RAD54L2: variants seen among roughly 807,000 people sequenced by gnomAD.
The protein encoded by RAD54L2 is helicase ARIP4.
RAD54L2 carries 27 observed loss-of-function variants against 138.4 expected under a neutral mutation model. The observed-to-expected ratio is 0.20, with a 90% CI of 0.14 to 0.27. The LOEUF is 0.27. RAD54L2 is among the 10% of genes least tolerant of loss of function. The pLI is 1.00. For synonymous variants in RAD54L2, 644 were observed against 723.2 expected (o/e 0.89, Z 1.76); for missense variants, 1,396 against 1,890.2 (o/e 0.74, Z 4.85).
rs764486923 is a variant in RAD54L2 at position 51,645,169 on chromosome 3, G to A, written c.2596G>A (p.Ala866Thr). Reference sequence around the variant, plus strand: ...GCCCTGTTACATCTATCGCCTTGTGGCTGATTACACTCTAGAAAAGAAGAT... The same window carrying A: ...GCCCTGTTACATCTATCGCCTTGTGACTGATTACACTCTAGAAAAGAAGAT... ...KKPCYIYRLVADYTLEKKIYD... is the reference protein window; with the variant it reads ...KKPCYIYRLVTDYTLEKKIYD... Residue 866 changes from alanine (A) to threonine (T), a missense_variant, in exon 17 of 23, where the codon GCT (alanine) becomes ACT (threonine). Physicochemically the swap from Ala to Thr is moderately conservative, Grantham distance 58. This residue lies in a region of RAD54L2 where 78 missense variants were observed against 171.6 expected (regional missense o/e 0.45). Coordinates refer to ENST00000684192, the MANE Select transcript of RAD54L2 (RefSeq NM_015106.4). The surrounding 1 kb of genome is among the most constrained non-coding windows in gnomAD (Gnocchi z 6.1). 5 of 1,613,892 alleles carry A rather than the reference G, an allele frequency of 3.1e-6. No individual in the cohort carries two copies. The highest frequency in any genetic ancestry group is 4.2e-6 in the Non-Finnish European group (5 of 1,179,864).
chr3:51,630,503 A>G (rs1700809439), intron 6 of RAD54L2, 115 bp downstream of exon 6: 9 of 1,065,334 alleles, frequency 8.4e-6, no homozygotes, highest in Non-Finnish European at 9.6e-6. Context: ...GGCTTTGACT[A>G]ATTTCCCTGT....
Position 51,590,489 on chromosome 3 carries a change from A to AGAG in RAD54L2, c.89_91dup (p.Glu30dup), listed in dbSNP as rs757041129. The AGAG allele has an allele frequency of 1.1e-4, 169 of 1,550,740 alleles. No homozygotes were observed. Among genetic ancestry groups the AGAG allele is most frequent in the African/African-American group, 8.8e-4 (64 of 73,064 alleles). ...CGGACGTGGAGCTGGAGGATGCGGA[A>AGAG]GAGGAGGAGGAGGAGGAGGAGGTGG... On this transcript the variant is annotated inframe_insertion, in exon 3 of 23. Transcript: ENST00000684192.
At chr3:51,562,647 G>T (rs1360553638) in intron 2 of RAD54L2, among the ~76,000 whole-genome samples, 3 of 152,214 alleles carry the variant, frequency 2.0e-5, no homozygotes, top group Non-Finnish European at 4.4e-5. Context: ...GGGATTACAG[G>T]CATGAGCCAC....
intron 19 of RAD54L2, 105 bp downstream of exon 19, chr3:51,646,586 G>A (rs1701286735): frequency 8.5e-7 from 1 of 1,171,260 alleles, no homozygotes; most frequent in Non-Finnish European, 1.2e-6. Context: ...TTCCTTGACT[G>A]CTGTGAATTG....
chr3:51,574,709 T>A (rs943232573), intron 2 of RAD54L2, among the ~76,000 whole-genome samples: 1 of 152,234 alleles, frequency 6.6e-6, no homozygotes, highest in African/African-American at 2.4e-5. Flanking sequence ...TTTTTTCTTG[T>A]AAATTTGTTT....
At position 51,641,780 on chromosome 3, in the gene RAD54L2, G is replaced by C; in HGVS notation, c.2263G>C (p.Glu755Gln). 6.3e-7 allele frequency: 1 copy of C among 1,597,642 alleles called. No homozygotes were observed. The highest frequency in any genetic ancestry group is 8.5e-7 in the Non-Finnish European group (1 of 1,171,666). The change falls in exon 15 of 23, where the codon GAA (glutamate) becomes CAA (glutamine). Residue 755 changes from glutamate to glutamine, a missense_variant. Physicochemically the swap from Glu to Gln is conservative, Grantham distance 29 (BLOSUM62 2). Transcript: ENST00000684192. ...QSLSTLALIE[E>Q]FLGKREVPCP... ...TCTTTCCACCTTGGCTCTCATCGAGGAATTCCTTGGAAAACGAGAAGTACC... is the reference window on the plus strand; with the variant it reads ...TCTTTCCACCTTGGCTCTCATCGAGCAATTCCTTGGAAAACGAGAAGTACC...
intron 2 of RAD54L2, among the ~76,000 whole-genome samples, chr3:51,569,637 C>T (rs1034727429): frequency 1.3e-5 from 2 of 152,134 alleles, no homozygotes; most frequent in Non-Finnish European, 2.9e-5. Context: ...CTGCCTTGGC[C>T]TCCCAAAGTG....
intron 3 of RAD54L2, among the ~76,000 whole-genome samples, chr3:51,614,496 T>C (rs1196449994): frequency 1.3e-5 from 2 of 151,974 alleles, no homozygotes; most frequent in African/African-American, 4.8e-5. Context: ...CAGAATGATC[T>C]TGGTCCCCTT....
intron 2 of RAD54L2, among the ~76,000 whole-genome samples, chr3:51,586,314 C>T (rs998025480): frequency 2.6e-5 from 4 of 152,040 alleles, no homozygotes; most frequent in Admixed American, 6.6e-5. Context: ...ATATGGGCAT[C>T]GCTGTGTTGC....
chr3:51,592,938 C>T (rs1405835234), intron 3 of RAD54L2, among the ~76,000 whole-genome samples: 1 of 152,162 alleles, frequency 6.6e-6, no homozygotes, highest in East Asian at 1.9e-4. Flanking sequence ...CAAAACCTGC[C>T]TATTTCTTTA....
chr3:51,552,346 T>C (rs1281775315), intron 2 of RAD54L2, among the ~76,000 whole-genome samples: 4 of 151,752 alleles, frequency 2.6e-5, no homozygotes, highest in Admixed American at 2.6e-4. Flanking sequence ...CACTGCAAGC[T>C]CCGCCTCCCG....
intron 3 of RAD54L2, among the ~76,000 whole-genome samples, chr3:51,610,986 C>CTT (rs936446046): frequency 1.3e-5 from 2 of 152,158 alleles, no homozygotes; most frequent in African/African-American, 4.8e-5. Context: ...ATGCTTAAGG[C>CTT]TTTAATGCTA....
intron 19 of RAD54L2, among the ~76,000 whole-genome samples, chr3:51,651,165 C>G (rs978457076): frequency 3.9e-5 from 6 of 152,166 alleles, no homozygotes. Flanking sequence ...CACCTCTATG[C>G]AAATAAACTA....
intron 19 of RAD54L2, among the ~76,000 whole-genome samples, chr3:51,654,700 G>C (rs966536903): frequency 6.6e-6 from 1 of 152,086 alleles, no homozygotes; most frequent in African/African-American, 2.4e-5. Context: ...TGAGCCCAGT[G>C]AGAGAAAAGC....
chr3:51,614,519 C>CTT (rs146602107), intron 3 of RAD54L2, among the ~76,000 whole-genome samples: 1 of 144,614 alleles, frequency 6.9e-6, no homozygotes, highest in Non-Finnish European at 1.5e-5. Context: ...TCTCAGATCT[C>CTT]TTTTTTTTTT....
At chr3:51,634,064 C>T in intron 9 of RAD54L2, 29 bp downstream of exon 9, 3 of 1,605,818 alleles carry the variant, frequency 1.9e-6, no homozygotes, top group Non-Finnish European at 2.6e-6. Context: ...CCTCTCTGCC[C>T]CTTTCCTTTT....
At chr3:51,548,539 A>G (rs1183132020) in intron 2 of RAD54L2, among the ~76,000 whole-genome samples, 5 of 152,118 alleles carry the variant, frequency 3.3e-5, no homozygotes, top group African/African-American at 9.7e-5. Context: ...CTGTGAGGCA[A>G]ATATCCCCAT....
rs1446193808 is a variant in RAD54L2 at position 51,637,518 on chromosome 3, G to A, written c.1682+15G>A. The A allele has an allele frequency of 5.0e-6, 8 of 1,597,262 alleles. No individual in the cohort carries two copies. The South Asian group carries it at 6.7e-5, about 13-fold the overall frequency. On this transcript the variant is annotated intron_variant, in intron 11 of 22. Transcript: ENST00000684192. This position sits in a 1 kb window ranked among gnomAD's most constrained non-coding sequence, Gnocchi z 5.9. ...TTTGTGCAGAGGTGAGCCATCCTCA[G>A]GGTCCTGCTTCCTGAATTTTCAGAG...
intron 2 of RAD54L2, among the ~76,000 whole-genome samples, chr3:51,575,565 T>G: frequency 6.6e-6 from 1 of 152,206 alleles, no homozygotes; most frequent in East Asian, 1.9e-4. Flanking sequence ...GTCCTTCACA[T>G]CCCTTGTAAG....
Sources: gnomAD v4.1 joint callset for allele counts (sites outside exome capture counted in the v4.1 genomes callset) on GRCh38, gnomAD v4.1.1 for gene constraint, gnomAD v4.1.1 regional missense constraint, Gnocchi (gnomAD v3.1) non-coding constraint, MANE v1.5 for transcripts, NCBI Gene and HGNC (gene_info 2026-07-23, HGNC 2026-07-21) for gene names.